Variants in MTBP observed in about 807,000 individuals in gnomAD.
MTBP encodes MDM2 binding protein, also known as mdm2-binding protein.
MTBP carries 101 observed loss-of-function variants against 117.0 expected under a neutral mutation model. The observed-to-expected ratio is 0.86, with a 90% CI of 0.73 to 1.02. The LOEUF is 1.02. Among genes scored for constraint, MTBP ranks in the 50% least tolerant of loss-of-function variants. The probability of loss-of-function intolerance (pLI) is 0.00; values close to 1 mark genes in which losing one functional copy is unlikely to be tolerated. For synonymous variants in MTBP, 350 were observed against 351.5 expected, an observed-to-expected ratio of 1.00 and a Z score of 0.05; for missense variants, 970 against 1,030.9, an observed-to-expected ratio of 0.94 and a Z score of 0.81.
chr8:120,452,245 C>T (rs1038524834), intron 4 of MTBP: 8 of 152,222 alleles, frequency 5.3e-5, no homozygotes, highest in South Asian at 2.1e-4. Context: ...TTAGTATTCA[C>T]ATATTATATC....
At chr8:120,465,577 G>A (rs1813668378) in intron 10 of MTBP, among the ~76,000 whole-genome samples, 1 of 150,398 alleles carries the variant, frequency 6.6e-6, no homozygotes, top group South Asian at 2.1e-4. Flanking sequence ...CTAGATATTA[G>A]ATATTCTCTA....
chr8:120,449,621 C>T (rs561324118), intron 2 of MTBP, among the ~76,000 whole-genome samples: 25 of 152,082 alleles, frequency 1.6e-4, no homozygotes, highest in Middle Eastern at 3.4e-3. Flanking sequence ...GGATTGCTTA[C>T]GGATAGTAGG....
intron 11 of MTBP, among the ~76,000 whole-genome samples, chr8:120,484,484 TG>T (rs942829367): frequency 6.6e-6 from 1 of 152,170 alleles, no homozygotes; most frequent in African/African-American, 2.4e-5. Flanking sequence ...TATTTTGGGA[TG>T]TATATATATA....
intron 11 of MTBP, among the ~76,000 whole-genome samples, chr8:120,486,089 C>T (rs1022711211): frequency 6.6e-6 from 1 of 152,102 alleles, no homozygotes; most frequent in African/African-American, 2.4e-5. Flanking sequence ...ATTTTTGTGG[C>T]CATTCTTCGA....
chr8:120,490,157 A>G (rs983225721), intron 12 of MTBP, among the ~76,000 whole-genome samples: 23 of 152,190 alleles, frequency 1.5e-4, no homozygotes, highest in Non-Finnish European at 7.3e-5. Context: ...ACTAGCTACC[A>G]TTCCCTATCT....
chr8:120,450,650 GACTT>G (rs1586935398), intron 2 of MTBP, among the ~76,000 whole-genome samples: 1 of 152,130 alleles, frequency 6.6e-6, no homozygotes, highest in African/African-American at 2.4e-5. Context: ...TCACTAAAAT[GACTT>G]ACATGGTTTT....
At chr8:120,465,655 C>CT (rs10663319) in intron 10 of MTBP, among the ~76,000 whole-genome samples, 5,142 of 101,670 alleles carry the variant, frequency 0.051, 400 homozygotes, top group Admixed American at 0.13. Flanking sequence ...CTTATAGAGA[C>CT]TTTTTTTTTT....
At chr8:120,513,928 C>G (rs1380414019) in intron 17 of MTBP, among the ~76,000 whole-genome samples, 6 of 151,772 alleles carry the variant, frequency 4.0e-5, no homozygotes, top group African/African-American at 1.2e-4. Flanking sequence ...TAGAGAGATG[C>G]CAAGACCTAG....
chr8:120,502,452 A>G, intron 14 of MTBP, 40 bp from the exon 15 acceptor site: 1 of 1,359,930 alleles, frequency 7.4e-7, no homozygotes, highest in Non-Finnish European at 1.0e-6. Flanking sequence ...ATTCAGTATG[A>G]TAATACTTTT....
intron 11 of MTBP, among the ~76,000 whole-genome samples, chr8:120,484,901 T>C (rs1814177407): frequency 6.6e-6 from 1 of 152,184 alleles, no homozygotes; most frequent in South Asian, 2.1e-4. Flanking sequence ...AGTGTAATCA[T>C]ATAGTATCTA....
At chr8:120,449,158 A>C (rs537631143) in intron 2 of MTBP, among the ~76,000 whole-genome samples, 8 of 152,256 alleles carry the variant, frequency 5.3e-5, no homozygotes, top group African/African-American at 1.7e-4. Context: ...GAAAGTGGAT[A>C]GATCTGAAGG....
intron 9 of MTBP, 121 bp downstream of exon 9, chr8:120,461,376 T>A: frequency 1.5e-6 from 1 of 688,850 alleles, no homozygotes; most frequent in Non-Finnish European, 2.3e-6. Flanking sequence ...ACTGTTTTAA[T>A]GTTGATGTTC....
At chr8:120,446,280 A>G (rs1457073993) in intron 1 of MTBP, among the ~76,000 whole-genome samples, 153 bp from the exon 2 acceptor site, 3 of 152,066 alleles carry the variant, frequency 2.0e-5, no homozygotes, top group Non-Finnish European at 4.4e-5. Flanking sequence ...ATTGCTTTAG[A>G]TTTTCTGTAT....
intron 12 of MTBP, among the ~76,000 whole-genome samples, chr8:120,489,138 G>T (rs766827534): frequency 2.0e-5 from 3 of 148,278 alleles, no homozygotes; most frequent in African/African-American, 7.4e-5. Flanking sequence ...TCCCAGGTTC[G>T]AGCAATTCTC....
At chr8:120,501,293 C>T (rs917675444) in intron 14 of MTBP, among the ~76,000 whole-genome samples, 1 of 151,650 alleles carries the variant, frequency 6.6e-6, no homozygotes, top group Admixed American at 6.6e-5. Context: ...ACCTGGGAGG[C>T]GGAGCTTGCA....
At chr8:120,445,662 C>A in intron 1 of MTBP, 74 bp downstream of exon 1, 2 of 1,245,408 alleles carry the variant, frequency 1.6e-6, no homozygotes, top group South Asian at 2.8e-5. Context: ...TGATCAAGTT[C>A]TGCTGAAGAG....
chr8:120,456,980 T>C (rs897834722), intron 7 of MTBP, among the ~76,000 whole-genome samples: 14 of 152,324 alleles, frequency 9.2e-5, no homozygotes, highest in African/African-American at 3.4e-4. Flanking sequence ...GAATGTAATG[T>C]TCTTTTAAAA....
Position 120,454,574 on chromosome 8 carries a change from G to A in MTBP, c.484+669G>A, listed in dbSNP as rs369096763. ...GAAGGTCATTAGTAAGTAAATATTT[G>A]TACTAGGAGCCAAGTGTACCATGAT... On this transcript the variant is annotated intron_variant, in intron 5 of 21. Transcript: ENST00000305949. 7.3e-4 allele frequency among the ~76,000 whole-genome samples: 111 copies of A among 151,988 alleles called. 1 individual carries two copies. Among genetic ancestry groups the A allele is most frequent in the African/African-American group, 2.6e-3 (106 of 41,496 alleles).
intron 11 of MTBP, among the ~76,000 whole-genome samples, chr8:120,481,437 G>A (rs1219782521): frequency 8.5e-6 from 1 of 117,996 alleles, no homozygotes; most frequent in African/African-American, 2.6e-5. Context: ...TTATCATCTG[G>A]TGAAGAGATC....
Sources: allele counts gnomAD v4.1 joint callset (sites outside exome capture counted in the v4.1 genomes callset), GRCh38; gene constraint gnomAD v4.1.1; transcripts MANE v1.5; gene names NCBI Gene and HGNC (gene_info 2026-07-23, HGNC 2026-07-21).